The following PELP1 variants were observed in gnomAD, a reference collection of about 807,000 sequenced individuals.
PELP1 encodes proline, glutamate and leucine rich protein 1, also known as proline-, glutamic acid- and leucine-rich protein 1.
Under a neutral mutation model 95.5 loss-of-function variants are expected in PELP1, and 32 were observed. That is an observed-to-expected ratio of 0.34 (90% confidence interval 0.25 to 0.45). The LOEUF is 0.45. Among genes scored for constraint, PELP1 ranks in the 20% least tolerant of loss-of-function variants. The probability of loss-of-function intolerance (pLI) is 1.00; values close to 1 mark genes in which losing one functional copy is unlikely to be tolerated. For synonymous variants in PELP1, 668 were observed against 600.1 expected, an observed-to-expected ratio of 1.11 and a Z score of -1.65; for missense variants, 1,358 against 1,444.8, an observed-to-expected ratio of 0.94 and a Z score of 0.97.
In PELP1 at chr17:4,670,269, G is replaced by T. The variant is rs920781686; in HGVS notation, c.*1170C>A. ...TGACTCCCTCTTCTGCATTGCGAAG[G>T]CACTTTACTTACGTTCATGATTCAA... is the stretch of plus-strand genomic sequence containing the variant. On this transcript the variant is annotated 3_prime_UTR_variant, in exon 17 of 17. Coordinates refer to ENST00000572293, the MANE Select transcript of PELP1 (RefSeq NM_014389.3). The T allele has an allele frequency of 6.6e-6, 1 of 152,076 alleles. No individual in the cohort carries two copies. Among genetic ancestry groups the T allele is most frequent in the Non-Finnish European group, 1.5e-5 (1 of 68,016 alleles). The allele number at this position is 152,076 out of a possible 1,614,324, so 9.4% of individuals were successfully genotyped here. A position where few individuals can be genotyped will look rare whatever the true frequency, so the allele number is the denominator to read the frequency against.
chr17:4,698,329 G>T (rs1913375572), intron 1 of PELP1, among the ~76,000 whole-genome samples: 1 of 151,986 alleles, frequency 6.6e-6, no homozygotes, highest in African/African-American at 2.4e-5. Flanking sequence ...TCAGATTAAA[G>T]AATACTAAAG....
chr17:4,702,115 C>T lies in PELP1; in HGVS notation c.249+1748G>A, dbSNP rs1457503156. Among the ~76,000 whole-genome samples the T allele has an allele frequency of 4.6e-5, 7 of 151,990 alleles. No individual in the cohort carries two copies. The East Asian group carries it at 1.4e-3, about 29-fold the overall frequency. The stretch of plus-strand genomic sequence containing the variant: ...CGGGATAGGTAATATTTCACAAATA[C>T]TTATAAAAAAAATTTCTGGGGGGCA... On this transcript the variant is annotated intron_variant, in intron 1 of 16. Transcript: ENST00000572293.
intron 1 of PELP1, 109 bp from the exon 2 acceptor site, chr17:4,691,551 A>G: frequency 1.2e-6 from 1 of 833,638 alleles, no homozygotes; most frequent in African/African-American, 1.7e-5. Context: ...CTGAAGTCAC[A>G]TCTCCTCTGA....
chr17:4,691,214 G>T (rs1913086003), intron 2 of PELP1, 164 bp downstream of exon 2: 2 of 655,784 alleles, frequency 3.0e-6, no homozygotes, highest in South Asian at 3.9e-5. Context: ...GAAAAGGTAG[G>T]GTTCAAATCA....
chr17:4,703,615 T>C (rs1231448309), intron 1 of PELP1, among the ~76,000 whole-genome samples: 2 of 152,300 alleles, frequency 1.3e-5, no homozygotes, highest in East Asian at 3.9e-4. Flanking sequence ...TGGAACCTAA[T>C]CGATTCCTGT....
Position 4,704,073 on chromosome 17 carries a change from G to A in PELP1, c.39C>T (p.Ser13=), listed in dbSNP as rs770858665. The A allele has an allele frequency of 6.2e-7, 1 of 1,611,510 alleles. No homozygotes were observed. The highest frequency in any genetic ancestry group is 8.5e-7 in the Non-Finnish European group (1 of 1,179,420). ...AAVLSGPSAG[S]AAGVPGGTGG... is the part of the protein sequence containing the mutation. ...CGGTCCCGCCAGGAACCCCAGCCGC[G>A]GAGCCCGCAGAGGGCCCACTCAGAA... The change falls in exon 1 of 17, where the codon TCC becomes TCT. Residue 13 remains serine (S), a synonymous_variant. Transcript: ENST00000572293.
In PELP1 at chr17:4,672,827, G is replaced by C; in HGVS notation, c.2164C>G (p.Arg722Gly). Reference protein sequence around the residue: ...SVPGLVSVPPRLLPGPENHRA... With the variant: ...SVPGLVSVPPGLLPGPENHRA... ...TGGTTCTCAGGGCCAGGAAGAAGCC[G>C]GGGAGGGACAGACACTAGGCCTGGG... Residue 722 changes from arginine (R) to glycine (G), a missense_variant, in exon 16 of 17, where the codon CGG becomes GGG. Arg to Gly is a moderately radical substitution (Grantham distance 125). Around this residue, in one of 7 missense-constraint regions of PELP1, gnomAD observed 340 missense variants for 322.9 expected, o/e 1.05. Coordinates refer to ENST00000572293, the MANE Select transcript of PELP1 (RefSeq NM_014389.3). 6.2e-7 allele frequency: 1 copy of C among 1,613,882 alleles called. No individual in the cohort carries two copies. The highest frequency in any genetic ancestry group is 1.1e-5 in the South Asian group (1 of 91,066).
chr17:4,695,741 G>C (rs1276609225), intron 1 of PELP1, among the ~76,000 whole-genome samples: 1 of 150,976 alleles, frequency 6.6e-6, no homozygotes, highest in Non-Finnish European at 1.5e-5. Flanking sequence ...CACTTGGGGA[G>C]GCCAAGGTGG....
intron 1 of PELP1, among the ~76,000 whole-genome samples, chr17:4,701,190 G>A (rs1250660150): frequency 2.6e-5 from 4 of 151,922 alleles, no homozygotes; most frequent in Non-Finnish European, 4.4e-5. Context: ...GGGGAGAGAG[G>A]TTATAAGTAT....
At chr17:4,687,141 C>A (rs915674888) in intron 3 of PELP1, among the ~76,000 whole-genome samples, 2 of 152,166 alleles carry the variant, frequency 1.3e-5, no homozygotes. Context: ...CCCACACCAC[C>A]CCAGCTGAAG....
At position 4,673,571 on chromosome 17, in the gene PELP1, G is replaced by A; in HGVS notation, c.1638+48C>T. On this transcript the variant is annotated intron_variant, in intron 14 of 16. Transcript: ENST00000572293. This position sits in a 1 kb window ranked among gnomAD's most constrained non-coding sequence, Gnocchi z 5.7. ...TGGGCCACACCCCCCAATGTGTACA[G>A]AGCAGGGGCCCCTTCCCCTATCTCC... 6.3e-7 allele frequency: 1 copy of A among 1,593,700 alleles called. No individual in the cohort carries two copies. Among genetic ancestry groups the A allele is most frequent in the Non-Finnish European group, 8.6e-7 (1 of 1,161,590 alleles).
chr17:4,702,392 C>T (rs1281501856), intron 1 of PELP1, among the ~76,000 whole-genome samples: 1 of 152,156 alleles, frequency 6.6e-6, no homozygotes, highest in Non-Finnish European at 1.5e-5. Context: ...GCACTCCAAC[C>T]TGGGTGACAG....
In PELP1 at chr17:4,675,001, T is replaced by C; in HGVS notation, c.1275-45A>G. On this transcript the variant is annotated intron_variant, in intron 11 of 16. Coordinates refer to ENST00000572293, the MANE Select transcript of PELP1 (RefSeq NM_014389.3). The surrounding 1 kb of genome is among the most constrained non-coding windows in gnomAD (Gnocchi z 4.3). Reference sequence around the variant, plus strand: ...GGCAGTTATGAATGGGGGGTCAACATGCCAGAAGCCCCAGCCCACCTGCAC... The same window carrying C: ...GGCAGTTATGAATGGGGGGTCAACACGCCAGAAGCCCCAGCCCACCTGCAC... 2 of 1,605,988 alleles carry C rather than the reference T, an allele frequency of 1.2e-6. No individual in the cohort carries two copies. Among genetic ancestry groups the C allele is most frequent in the South Asian group, 1.1e-5 (1 of 90,648 alleles).
rs1052367792 is a variant in PELP1 at position 4,670,358 on chromosome 17, C to G, written c.*1081G>C. On this transcript the variant is annotated 3_prime_UTR_variant, in exon 17 of 17. Coordinates refer to ENST00000572293, the MANE Select transcript of PELP1 (RefSeq NM_014389.3). ...GCCCACCAATCTTGGTACCCTCTCACAGACACATCTCTCGGTTCATCCTCA... is the reference window on the plus strand; with the variant it reads ...GCCCACCAATCTTGGTACCCTCTCAGAGACACATCTCTCGGTTCATCCTCA... 2.6e-5 allele frequency: 4 copies of G among 152,208 alleles called. No individual in the cohort carries two copies. Among genetic ancestry groups the G allele is most frequent in the African/African-American group, 9.6e-5 (4 of 41,460 alleles). 9.4% of individuals were successfully genotyped at this position (152,208 alleles called of 1,614,324 possible).
intron 1 of PELP1, among the ~76,000 whole-genome samples, chr17:4,700,926 C>A (rs1913498518): frequency 4.3e-5 from 1 of 23,212 alleles, no homozygotes; most frequent in African/African-American, 6.7e-5. Flanking sequence ...AAGGCCCTAT[C>A]TCAAAAAAAA....
chr17:4,680,193 G>A (rs1403619625), intron 5 of PELP1, among the ~76,000 whole-genome samples: 1 of 152,160 alleles, frequency 6.6e-6, no homozygotes, highest in Non-Finnish European at 1.5e-5. Context: ...AGAGTGAATG[G>A]CACAGTGGGC....
intron 1 of PELP1, among the ~76,000 whole-genome samples, chr17:4,694,160 C>T (rs1913207224): frequency 6.6e-6 from 1 of 151,996 alleles, no homozygotes; most frequent in Admixed American, 6.6e-5. Flanking sequence ...CCAGAATAGG[C>T]AAATCTCTAA....
intron 5 of PELP1, among the ~76,000 whole-genome samples, chr17:4,677,947 G>A (rs111683392): frequency 2.3e-4 from 35 of 151,828 alleles, no homozygotes; most frequent in African/African-American, 8.2e-4. Context: ...CAGGCACGGT[G>A]GCTCATACCT....
At chr17:4,688,480 A>C (rs1441407670) in intron 3 of PELP1, among the ~76,000 whole-genome samples, 2 of 152,176 alleles carry the variant, frequency 1.3e-5, no homozygotes, top group African/African-American at 2.4e-5. Flanking sequence ...AGATCCAATA[A>C]ATGAAGCCGG....
Sources: gnomAD v4.1 joint callset for allele counts (sites outside exome capture counted in the v4.1 genomes callset) on GRCh38, gnomAD v4.1.1 for gene constraint, gnomAD v4.1.1 regional missense constraint, Gnocchi (gnomAD v3.1) non-coding constraint, MANE v1.5 for transcripts, NCBI Gene and HGNC (gene_info 2026-07-23, HGNC 2026-07-21) for gene names.